The following METTL15 variants were observed in gnomAD, a reference collection of about 807,000 sequenced individuals.
The protein encoded by METTL15 is 12S rRNA N(4)-cytidine methyltransferase METTL15.
In METTL15, 34 loss-of-function variants were observed where a neutral mutation model predicts 38.3. The observed-to-expected ratio is 0.89, with a 90% CI of 0.68 to 1.18. The LOEUF is 1.18. Ranked by LOEUF, METTL15 falls within the 50% of genes most tolerant of loss-of-function variation. The pLI is 0.00. For missense variants in METTL15, 438 were observed against 498.4 expected (o/e 0.88, Z 1.15); for synonymous variants, 162 against 170.9 (o/e 0.95, Z 0.41).
At chr11:28,216,090 T>G (rs1329752522) in intron 4 of METTL15, among the ~76,000 whole-genome samples, 1 of 152,154 alleles carries the variant, frequency 6.6e-6, no homozygotes, top group Non-Finnish European at 1.5e-5. Context: ...CTCCCTAAAT[T>G]AATATATACA....
chr11:28,117,266 T>TG (rs1852014419), intron 3 of METTL15, among the ~76,000 whole-genome samples: 1 of 5,484 alleles, frequency 1.8e-4, no homozygotes, highest in South Asian at 8.9e-3. Flanking sequence ...TGTGTATATA[T>TG]ATATATATAT....
chr11:28,445,874 A>T (rs564142081), intron 6 of METTL15, among the ~76,000 whole-genome samples: 14 of 149,558 alleles, frequency 9.4e-5, no homozygotes, highest in African/African-American at 3.2e-4. Flanking sequence ...GCGGTCTCAA[A>T]CTCCTGGGCT....
chr11:28,415,328 A>G (rs550766733), intron 5 of METTL15, among the ~76,000 whole-genome samples: 22 of 152,308 alleles, frequency 1.4e-4, no homozygotes, highest in South Asian at 6.2e-4. Flanking sequence ...GGAAGTAGCT[A>G]GAGCAGTTTT....
chr11:28,530,384 T>C (rs1851837737), downstream of METTL15, among the ~76,000 whole-genome samples: 1 of 152,182 alleles, frequency 6.6e-6, no homozygotes, highest in African/African-American at 2.4e-5. Context: ...AAAGGCTGAA[T>C]GCAGAGTATC....
intron 4 of METTL15, among the ~76,000 whole-genome samples, chr11:28,265,751 A>G (rs1336401240): frequency 6.6e-6 from 1 of 152,156 alleles, no homozygotes; most frequent in Non-Finnish European, 1.5e-5. Context: ...CCACACCTAT[A>G]TACCCAAATA....
intron 3 of METTL15, among the ~76,000 whole-genome samples, chr11:28,152,655 C>T (rs758524413): frequency 2.6e-5 from 4 of 151,716 alleles, no homozygotes; most frequent in Non-Finnish European, 2.9e-5. Flanking sequence ...TACCAAAATC[C>T]GAAGATACTC....
In METTL15 at chr11:28,388,022, A is replaced by G. The variant is rs140977898; in HGVS notation, c.*358+25986A>G. 6.1e-3 allele frequency among the ~76,000 whole-genome samples: 878 copies of G among 144,886 alleles called. 6 individuals carry two copies. Among genetic ancestry groups the G allele is most frequent in the Middle Eastern group, 0.039 (11 of 280 alleles). On this transcript the variant is annotated intron_variant and NMD_transcript_variant, in intron 5 of 7. Transcript: ENST00000532947. Reference sequence around the variant, plus strand: ...CACACTTTTGTGATAAAAATACTAAACAAACTAGAAATAGGAATAAATTAC... The same window carrying G: ...CACACTTTTGTGATAAAAATACTAAGCAAACTAGAAATAGGAATAAATTAC...
chr11:28,299,564 C>G (rs952488203), intron 6 of METTL15, among the ~76,000 whole-genome samples: 1 of 151,984 alleles, frequency 6.6e-6, no homozygotes, highest in Non-Finnish European at 1.5e-5. Context: ...ATAGAAATAC[C>G]AGAGAATCCA....
intron 6 of METTL15, among the ~76,000 whole-genome samples, chr11:28,441,227 AG>A (rs1350576934): frequency 1.3e-5 from 2 of 151,918 alleles, no homozygotes; most frequent in Non-Finnish European, 2.9e-5. Context: ...TGGGGCTACA[AG>A]CACGTGCCCA....
Position 28,406,639 on chromosome 11 carries a change from G to A in METTL15, c.*359-17660G>A, listed in dbSNP as rs562694698. Among the ~76,000 whole-genome samples, 19 of 152,212 alleles carry A rather than the reference G, an allele frequency of 1.2e-4. No individual in the cohort carries two copies. The South Asian group carries it at 3.9e-3, about 32-fold the overall frequency. ...ATTATGTCATCTGCAAATAGAGACA[G>A]TTTGACTTCATCTCTTCCTGTTCGA... On this transcript the variant is annotated intron_variant and NMD_transcript_variant, in intron 5 of 7. Coordinates refer to the METTL15 transcript ENST00000532947.
rs183155841 is a variant in METTL15, at chr11:28,312,602, A to G, written c.778+15671A>G. ...TTGTGTTAGTCAATTTTGTGCTGCT[A>G]TAACAGAATACCTGATGCTGGATAA... On this transcript the variant is annotated intron_variant, in intron 6 of 6. Coordinates refer to ENST00000407364, the MANE Select transcript of METTL15 (RefSeq NM_001113528.2). Among the ~76,000 whole-genome samples the G allele has an allele frequency of 1.6e-3, 242 of 152,304 alleles. 1 individual carries two copies. The highest frequency in any genetic ancestry group is 5.5e-3 in the African/African-American group (227 of 41,562).
chr11:28,392,215 A>G (rs865893700), intron 5 of METTL15, among the ~76,000 whole-genome samples: 22 of 151,670 alleles, frequency 1.5e-4, no homozygotes, highest in South Asian at 2.1e-4. Flanking sequence ...ATGAAAAACA[A>G]TGACACTTTT....
At chr11:28,154,562 T>C (rs763018926) in intron 3 of METTL15, among the ~76,000 whole-genome samples, 2 of 152,136 alleles carry the variant, frequency 1.3e-5, no homozygotes, top group Non-Finnish European at 2.9e-5. Context: ...TAAATTTTGT[T>C]ATTAGATAAG....
intron 5 of METTL15, among the ~76,000 whole-genome samples, chr11:28,377,573 A>G (rs1032704349): frequency 1.5e-4 from 22 of 151,368 alleles, no homozygotes; most frequent in Admixed American, 1.1e-3. Flanking sequence ...AATTTTTTTC[A>G]AAGTTTTCAA....
intron 5 of METTL15, among the ~76,000 whole-genome samples, chr11:28,406,474 T>G (rs1850674871): frequency 6.6e-6 from 1 of 152,036 alleles, no homozygotes; most frequent in African/African-American, 2.4e-5. Flanking sequence ...AAGCTTTTGG[T>G]GTACATGTGC....
intron 4 of METTL15, among the ~76,000 whole-genome samples, chr11:28,258,415 C>T (rs974272267): frequency 6.6e-6 from 1 of 152,058 alleles, no homozygotes; most frequent in African/African-American, 2.4e-5. Context: ...CCCTGAGGCT[C>T]AACAGTCAGC....
chr11:28,177,450 T>C (rs1851118822), intron 3 of METTL15, among the ~76,000 whole-genome samples: 2 of 151,962 alleles, frequency 1.3e-5, no homozygotes, highest in South Asian at 4.1e-4. Flanking sequence ...GACAAGTGTT[T>C]TAGGTTGTGT....
intron 6 of METTL15, among the ~76,000 whole-genome samples, chr11:28,431,804 A>G (rs1270518095): frequency 8.4e-5 from 2 of 23,824 alleles, no homozygotes; most frequent in South Asian, 3.8e-3. Flanking sequence ...AAAAAAAAAA[A>G]AAAGAAAAAA....
At chr11:28,225,911 C>G (rs1465859355) in intron 4 of METTL15, among the ~76,000 whole-genome samples, 3 of 151,908 alleles carry the variant, frequency 2.0e-5, no homozygotes, top group Non-Finnish European at 4.4e-5. Flanking sequence ...CTGCAGTATT[C>G]TGCAAAATCT....
Sources: allele counts gnomAD v4.1 joint callset (sites outside exome capture counted in the v4.1 genomes callset), GRCh38; gene constraint gnomAD v4.1.1; transcripts MANE v1.5; gene names NCBI Gene and HGNC (gene_info 2026-07-23, HGNC 2026-07-21).